The following LIMD1 variants were observed in gnomAD, a reference collection of about 807,000 sequenced individuals.
The protein encoded by LIMD1 is LIM domain-containing protein 1.
Under a neutral mutation model 58.4 loss-of-function variants are expected in LIMD1, and 23 were observed. The observed-to-expected ratio is 0.39, with a 90% CI of 0.28 to 0.56. The LOEUF is 0.56. Ranked by LOEUF, LIMD1 falls within the 20% of genes least tolerant of loss-of-function variation. The probability of loss-of-function intolerance (pLI) is 0.57; values close to 1 mark genes in which losing one functional copy is unlikely to be tolerated. For synonymous variants in LIMD1, 334 were observed against 345.5 expected (o/e 0.97, Z 0.37); for missense variants, 838 against 855.5 (o/e 0.98, Z 0.25).
At chr3:45,653,729 G>A (rs1303631911) in intron 2 of LIMD1, among the ~76,000 whole-genome samples, 1 of 151,966 alleles carries the variant, frequency 6.6e-6, no homozygotes. Context: ...GGCCAACATG[G>A]TGAAACCCCA....
At chr3:45,675,878 T>G (rs557398832) in intron 7 of LIMD1, among the ~76,000 whole-genome samples, 13 of 152,152 alleles carry the variant, frequency 8.5e-5, no homozygotes, top group African/African-American at 3.1e-4. Context: ...ATGCTGTGCC[T>G]ATAGTCTCAG....
intron 2 of LIMD1, 82 bp from the exon 3 acceptor site, chr3:45,665,568 A>G (rs1575365618): frequency 8.1e-6 from 9 of 1,107,318 alleles, no homozygotes; most frequent in Non-Finnish European, 1.1e-5. Context: ...CTGCCTAAAG[A>G]TTTTGCTTTT....
rs1330761410 is a variant in LIMD1 at position 45,595,264 on chromosome 3, C to T, written c.385C>T (p.Pro129Ser). 6.2e-7 allele frequency: 1 copy of T among 1,611,490 alleles called. No homozygotes were observed. The highest frequency in any genetic ancestry group is 8.5e-7 in the Non-Finnish European group (1 of 1,179,462). The change falls in exon 1 of 8, where the codon CCG (proline) becomes TCG (serine). Residue 129 changes from proline to serine, a missense_variant. Transcript: ENST00000273317. ...TLAAGQPPYP[P>S]QEQRSRPYLH... ...CGCTGCTGGGCAGCCCCCGTACCCA[C>T]CGCAGGAGCAGAGATCCAGGCCATA...
Position 45,673,590 on chromosome 3 carries a change from C to T in LIMD1, c.1824+85C>T, listed in dbSNP as rs777929475. 6 of 1,120,604 alleles carry T rather than the reference C, an allele frequency of 5.4e-6. No individual in the cohort carries two copies. In the Admixed American group the frequency reaches 8.4e-5, roughly 16 times the overall value. The allele number at this position is 1,120,604 out of a possible 1,614,324, so 69.4% of individuals were successfully genotyped here. ...CTCATTTACAAGATCCATGTCCTGT[C>T]CTTACAGCTTTTAAGGTATCCTTTT... On this transcript the variant is annotated intron_variant, in intron 6 of 7. Coordinates refer to ENST00000273317, the MANE Select transcript of LIMD1 (RefSeq NM_014240.3).
chr3:45,616,182 A>G (rs1701574681), intron 1 of LIMD1, among the ~76,000 whole-genome samples: 1 of 152,032 alleles, frequency 6.6e-6, no homozygotes, highest in South Asian at 2.1e-4. Flanking sequence ...GATATGAGTA[A>G]TTTTGGAATC....
intron 7 of LIMD1, among the ~76,000 whole-genome samples, chr3:45,675,556 AAATTAAAGT>A (rs1697656562): frequency 6.6e-6 from 1 of 151,924 alleles, no homozygotes; most frequent in Admixed American, 6.6e-5. Context: ...TGAGAGCCAC[AAATTAAAGT>A]CATGTATCAT....
At chr3:45,611,539 G>T (rs1284727435) in intron 1 of LIMD1, among the ~76,000 whole-genome samples, 1 of 152,244 alleles carries the variant, frequency 6.6e-6, no homozygotes, top group East Asian at 1.9e-4. Context: ...TGTCCCAAGA[G>T]GTGGGAGGAA....
chr3:45,623,166 C>G (rs1701642013), intron 1 of LIMD1, among the ~76,000 whole-genome samples: 1 of 152,146 alleles, frequency 6.6e-6, no homozygotes. Flanking sequence ...CAAGGAACAC[C>G]TTTTTGAATG....
chr3:45,638,232 A>G (rs1044818577), intron 2 of LIMD1, among the ~76,000 whole-genome samples: 3 of 152,164 alleles, frequency 2.0e-5, no homozygotes, highest in Non-Finnish European at 2.9e-5. Context: ...TCTTTGGCAC[A>G]TGTTTGTGTT....
chr3:45,629,641 A>G (rs1472157641), intron 1 of LIMD1, among the ~76,000 whole-genome samples: 1 of 152,116 alleles, frequency 6.6e-6, no homozygotes, highest in Non-Finnish European at 1.5e-5. Flanking sequence ...AGACCCTAGC[A>G]AGGCAGAGAC....
rs1381156673 is a variant in LIMD1 at position 45,686,289 on chromosome 3, T to A, written c.*9230T>A. The A allele has an allele frequency of 6.6e-6, 1 of 151,662 alleles. No individual in the cohort carries two copies. The highest frequency in any genetic ancestry group is 1.9e-4 in the East Asian group (1 of 5,180). 9.4% of individuals were successfully genotyped at this position (151,662 alleles called of 1,614,324 possible). A position where few individuals can be genotyped will look rare whatever the true frequency, so the allele number is the denominator to read the frequency against. On this transcript the variant is annotated 3_prime_UTR_variant, in exon 8 of 8. Coordinates refer to ENST00000273317, the MANE Select transcript of LIMD1 (RefSeq NM_014240.3). The stretch of plus-strand genomic sequence containing the variant: ...TCCTCAGGGCTGAGAAAATTTTGAG[T>A]GTTAGCCGTCTCTCGGTCGCTGGCT...
chr3:45,662,794 C>T (rs1016010428), intron 2 of LIMD1, among the ~76,000 whole-genome samples: 2 of 151,950 alleles, frequency 1.3e-5, no homozygotes, highest in African/African-American at 4.8e-5. Context: ...GTCAGGAGTT[C>T]GAGACCAGCC....
At chr3:45,675,909 G>T (rs193209905) in intron 7 of LIMD1, among the ~76,000 whole-genome samples, 2 of 152,092 alleles carry the variant, frequency 1.3e-5, no homozygotes, top group East Asian at 1.9e-4. Flanking sequence ...AGCTAGGATC[G>T]TGTCACTGCA....
intron 1 of LIMD1, among the ~76,000 whole-genome samples, chr3:45,626,661 A>G (rs1701670109): frequency 6.6e-6 from 1 of 152,196 alleles, no homozygotes; most frequent in Admixed American, 6.5e-5. Flanking sequence ...TAGTAGATAC[A>G]TGCCATACAC....
chr3:45,670,262 A>G (rs1014051431), intron 4 of LIMD1, among the ~76,000 whole-genome samples: 5 of 152,240 alleles, frequency 3.3e-5, no homozygotes, highest in South Asian at 2.1e-4. Flanking sequence ...GAGTATGATT[A>G]TACCCTATTC....
chr3:45,619,323 A>G (rs557893685), intron 1 of LIMD1, among the ~76,000 whole-genome samples: 1 of 152,302 alleles, frequency 6.6e-6, no homozygotes, highest in Non-Finnish European at 1.5e-5. Context: ...GCTCTTCTTT[A>G]TACTTGAGTT....
Position 45,606,898 on chromosome 3 carries a change from A to T in LIMD1, c.1408+10611A>T, listed in dbSNP as rs1284546134. On this transcript the variant is annotated intron_variant, in intron 1 of 7. Coordinates refer to ENST00000273317, the MANE Select transcript of LIMD1 (RefSeq NM_014240.3). ...CAACCTTGCTTCCGAGTTTCAAGCA[A>T]TTCTCGTGCCTCAGCTTCCCAAGTA... Among the ~76,000 whole-genome samples, 5 of 152,190 alleles carry T rather than the reference A, an allele frequency of 3.3e-5. 1 individual carries two copies. In the East Asian group the frequency reaches 9.6e-4, roughly 29 times the overall value.
At chr3:45,608,546 G>A (rs751797696) in intron 1 of LIMD1, among the ~76,000 whole-genome samples, 1 of 152,138 alleles carries the variant, frequency 6.6e-6, no homozygotes, top group South Asian at 2.1e-4. Flanking sequence ...TCTCTAAGAA[G>A]TAAGGAGAAT....
chr3:45,596,743 A>C (rs1175320807), intron 1 of LIMD1, among the ~76,000 whole-genome samples: 1 of 151,522 alleles, frequency 6.6e-6, no homozygotes, highest in African/African-American at 2.4e-5. Context: ...CCAGTGATTG[A>C]GGCAGGGGCT....
Sources: allele counts gnomAD v4.1 joint callset (sites outside exome capture counted in the v4.1 genomes callset), GRCh38; gene constraint gnomAD v4.1.1; transcripts MANE v1.5; gene names NCBI Gene and HGNC (gene_info 2026-07-23, HGNC 2026-07-21).